Variants in TAF1C observed in about 807,000 individuals in gnomAD.
TAF1C encodes the protein TATA-box binding protein associated factor, RNA polymerase I subunit C.
TAF1C carries 79 observed loss-of-function variants against 70.5 expected under a neutral mutation model. The observed-to-expected ratio is 1.12, with a 90% CI of 0.93 to 1.35. The LOEUF (loss-of-function observed/expected upper bound fraction) is 1.35, where lower values mean the gene tolerates loss of function less well. Ranked by LOEUF, TAF1C falls within the 40% of genes most tolerant of loss-of-function variation. The pLI, the probability that TAF1C is intolerant of heterozygous loss-of-function variation, is 0.00. For synonymous variants in TAF1C, 614 were observed against 491.1 expected, an observed-to-expected ratio of 1.25 and a Z score of -3.31; for missense variants, 1,412 against 1,127.8, an observed-to-expected ratio of 1.25 and a Z score of -3.61.
In TAF1C at chr16:84,182,093, T is replaced by C. The variant is rs1489430984; in HGVS notation, c.722-35A>G. On this transcript the variant is annotated intron_variant, in intron 7 of 14. Coordinates refer to ENST00000566732, the MANE Select transcript of TAF1C (RefSeq NM_001243156.2). The surrounding 1 kb of genome is among the most constrained non-coding windows in gnomAD (Gnocchi z 5.0). Reference sequence around the variant, plus strand: ...TCACTAAGGATCAGTGCACGAGCTATGATCACTGCAAGCCCCCCAAATTCC... The same window carrying C: ...TCACTAAGGATCAGTGCACGAGCTACGATCACTGCAAGCCCCCCAAATTCC... The C allele has an allele frequency of 9.3e-6, 15 of 1,604,802 alleles. No homozygotes were observed. The highest frequency in any genetic ancestry group is 1.3e-5 in the Non-Finnish European group (15 of 1,174,914).
In TAF1C at chr16:84,179,736, G is replaced by A. The variant is rs751912258; in HGVS notation, c.1737C>T (p.Ser579=). The A allele has an allele frequency of 1.2e-5, 20 of 1,611,644 alleles. No individual in the cohort carries two copies. The highest frequency in any genetic ancestry group is 3.3e-4 in the Middle Eastern group (2 of 6,024). The part of the protein sequence containing the change: ...FYQQLRPQVD[S]SLRRDAGPPG... ...GAGGCCCAGCATCTCTGCGGAGGCTGGAGTCCACCTGGGGGCGGAGCTGCT... is the reference window on the plus strand; with the variant it reads ...GAGGCCCAGCATCTCTGCGGAGGCTAGAGTCCACCTGGGGGCGGAGCTGCT... The change falls in exon 15 of 15, where the codon TCC becomes TCT. Residue 579 remains serine, a synonymous_variant. Transcript: ENST00000566732.
chr16:84,179,040 G>A lies in TAF1C; in HGVS notation c.2433C>T (p.His811=), dbSNP rs1369528635. The change falls in exon 15 of 15, where the codon CAC becomes CAT. Residue 811 remains histidine (H), a synonymous_variant. Transcript: ENST00000566732. ...DTPGCATTPP[H]SQASSVRATR... is the part of the protein sequence containing the mutation. ...TGGCCCGGACGCTGGAGGCCTGGGAGTGGGGAGGTGTGGTGGCACAGCCTG... is the reference window on the plus strand; with the variant it reads ...TGGCCCGGACGCTGGAGGCCTGGGAATGGGGAGGTGTGGTGGCACAGCCTG... 1.2e-6 allele frequency: 2 copies of A among 1,610,768 alleles called. No homozygotes were observed. The highest frequency in any genetic ancestry group is 1.7e-6 in the Non-Finnish European group (2 of 1,179,858).
In TAF1C at chr16:84,180,034, A is replaced by C. The variant is rs753774557; in HGVS notation, c.1533T>G (p.Pro511=). The C allele has an allele frequency of 9.3e-6, 15 of 1,609,730 alleles. No homozygotes were observed. In the East Asian group the frequency reaches 2.0e-4, roughly 22 times the overall value. ...PRLAGPPQSL[P]SRIDSLPAFP... ...ATGCAGGGAGGGAGTCGATCCTGGA[A>C]GGAAGAGACTGGGGGGGGCCTGCCA... The change falls in exon 14 of 15, where the codon CCT becomes CCG. Residue 511 remains proline (P), a synonymous_variant. Coordinates refer to ENST00000566732, the MANE Select transcript of TAF1C (RefSeq NM_001243156.2).
chr16:84,177,896 C>A lies in TAF1C; in HGVS notation c.*1045G>T. ...TTTAATCATAAATGTCTCCCTTAGGCATGATAAACATTTTAACACCCACGC... is the reference window on the plus strand; with the variant it reads ...TTTAATCATAAATGTCTCCCTTAGGAATGATAAACATTTTAACACCCACGC... On this transcript the variant is annotated 3_prime_UTR_variant, in exon 15 of 15. Transcript: ENST00000566732. The A allele has an allele frequency of 1.4e-6, 2 of 1,444,950 alleles. No homozygotes were observed. The highest frequency in any genetic ancestry group is 1.9e-6 in the Non-Finnish European group (2 of 1,026,954). The allele number at this position is 1,444,950 out of a possible 1,614,324, so 89.5% of individuals were successfully genotyped here. A position where few individuals can be genotyped will look rare whatever the true frequency, so the allele number is the denominator to read the frequency against.
rs2088893147 is a variant in TAF1C at position 84,178,775 on chromosome 16, T to C, written c.*166A>G. On this transcript the variant is annotated 3_prime_UTR_variant, in exon 15 of 15. Coordinates refer to ENST00000566732, the MANE Select transcript of TAF1C (RefSeq NM_001243156.2). ...CAAAAGAAACTACTACTGTATTTTG[T>C]TGCCCTGTCCCTTCAACTTGGCTCC... 1.5e-6 allele frequency: 1 copy of C among 670,432 alleles called. No individual in the cohort carries two copies. The highest frequency in any genetic ancestry group is 2.5e-6 in the Non-Finnish European group (1 of 402,982). The allele number at this position is 670,432 out of a possible 1,614,324, so 41.5% of individuals were successfully genotyped here. A position where few individuals can be genotyped will look rare whatever the true frequency, so the allele number is the denominator to read the frequency against.
At chr16:84,181,918 G>A (rs1567593470) in intron 8 of TAF1C, 24 bp downstream of exon 8, 2 of 1,614,160 alleles carry the variant, frequency 1.2e-6, no homozygotes, top group Non-Finnish European at 1.7e-6. Flanking sequence ...CAGTGAGGGA[G>A]GAAAGTGTAT....
chr16:84,178,676 A>C lies in TAF1C; in HGVS notation c.*265T>G, dbSNP rs553066788. 1.1e-5 allele frequency: 6 copies of C among 527,984 alleles called. No individual in the cohort carries two copies. The highest frequency in any genetic ancestry group is 1.7e-5 in the Non-Finnish European group (5 of 293,574). The allele number at this position is 527,984 out of a possible 1,614,324, so 32.7% of individuals were successfully genotyped here. ...AGCCCTGCCTCCCAGCACAGACTAA[A>C]ATCCCAGCAACACAGGCCCACCGGC... On this transcript the variant is annotated 3_prime_UTR_variant, in exon 15 of 15. Transcript: ENST00000566732.
Position 84,178,009 on chromosome 16 carries a change from T to TA in TAF1C, c.*931dup. ...CCAACCTGAAAAAAGACCTTTCTCT[T>TA]ACTATGTCATCAGAAACCAGACAGA... On this transcript the variant is annotated 3_prime_UTR_variant, in exon 15 of 15. Transcript: ENST00000566732. The TA allele has an allele frequency of 1.5e-6, 1 of 660,754 alleles. No individual in the cohort carries two copies. Among genetic ancestry groups the TA allele is most frequent in the South Asian group, 1.6e-5 (1 of 62,408 alleles). The allele number at this position is 660,754 out of a possible 1,614,324, so 40.9% of individuals were successfully genotyped here. A position where few individuals can be genotyped will look rare whatever the true frequency, so the allele number is the denominator to read the frequency against.
At chr16:84,184,255 G>A (rs1015791627) in intron 2 of TAF1C, among the ~76,000 whole-genome samples, 3 of 152,122 alleles carry the variant, frequency 2.0e-5, no homozygotes, top group Admixed American at 1.3e-4. Flanking sequence ...CCAATTTGAC[G>A]CCAGACCCTC....
At chr16:84,180,852 G>A (rs549583317) in intron 12 of TAF1C, 191 bp downstream of exon 12, 2 of 1,408,722 alleles carry the variant, frequency 1.4e-6, no homozygotes, top group Admixed American at 2.9e-5. Flanking sequence ...GGCCCTGGGA[G>A]AGCTTCCCCA....
In TAF1C at chr16:84,181,465, T is replaced by G; in HGVS notation, c.1029-2A>C. On this transcript the variant is annotated splice_acceptor_variant, in intron 10 of 14. Transcript: ENST00000566732. LOFTEE classifies it high-confidence loss of function. Reference sequence around the variant, plus strand: ...GGGTCCCTGTAGATTTGCCGCAGCCTTGGGGAGACAGGCAAGCCGTGGGCA... The same window carrying G: ...GGGTCCCTGTAGATTTGCCGCAGCCGTGGGGAGACAGGCAAGCCGTGGGCA... 1 of 1,613,626 alleles carries G rather than the reference T, an allele frequency of 6.2e-7. No individual in the cohort carries two copies. Among genetic ancestry groups the G allele is most frequent in the Non-Finnish European group, 8.5e-7 (1 of 1,179,924 alleles).
intron 1 of TAF1C, among the ~76,000 whole-genome samples, chr16:84,186,608 T>TC (rs2089501489): frequency 6.6e-6 from 1 of 152,174 alleles, no homozygotes; most frequent in African/African-American, 2.4e-5. Context: ...CCTGAAACGA[T>TC]CCTAGACAGG....
Position 84,182,451 on chromosome 16 carries a change from G to T in TAF1C, c.483-11C>A, listed in dbSNP as rs772075189. 2 of 1,595,230 alleles carry T rather than the reference G, an allele frequency of 1.3e-6. No individual in the cohort carries two copies. Among genetic ancestry groups the T allele is most frequent in the African/African-American group, 1.3e-5 (1 of 74,868 alleles). On this transcript the variant is annotated splice_polypyrimidine_tract_variant and intron_variant, in intron 6 of 14. Transcript: ENST00000566732. This position sits in a 1 kb window ranked among gnomAD's most constrained non-coding sequence, Gnocchi z 5.0. The stretch of plus-strand genomic sequence containing the variant: ...TAAGCCCAGGGACACCTGGGGACCA[G>T]AGAACAGCAGGAGGATCACTCGGTG...
Position 84,183,737 on chromosome 16 carries a change from C to T in TAF1C, c.180G>A (p.Pro60=), listed in dbSNP as rs780554691. 20 of 1,612,872 alleles carry T rather than the reference C, an allele frequency of 1.2e-5. No homozygotes were observed. Among genetic ancestry groups the T allele is most frequent in the Middle Eastern group, 3.3e-4 (2 of 6,032 alleles). The change falls in exon 3 of 15, where the codon CCG becomes CCA. Residue 60 remains proline, a synonymous_variant. Transcript: ENST00000566732. ...LHVTKDLLWE[P]ATPGPLPMLP... ...GCATGGGGAGAGGCCCAGGGGTTGC[C>T]GGCTCCCACAGCAGGTCCTTGGTCA...
rs138521893 is a variant in TAF1C, at chr16:84,182,280, C to T, written c.643G>A (p.Ala215Thr). The T allele has an allele frequency of 2.0e-5, 32 of 1,613,060 alleles. No homozygotes were observed. Among genetic ancestry groups the T allele is most frequent in the East Asian group, 1.1e-4 (5 of 44,866 alleles). ...GTCCTTCCAGGAACCCAGGCCAGCG[C>T]GCCCCCAGTGCAGGCCTCATCCAGA... The part of the protein sequence containing the change: ...LLLDEACTGG[A>T]LAWVPGRTPQ... Residue 215 changes from alanine to threonine, a missense_variant, in exon 7 of 15, where the codon GCG becomes ACG. Transcript: ENST00000566732. This position sits in a 1 kb window ranked among gnomAD's most constrained non-coding sequence, Gnocchi z 5.0.
At chr16:84,186,276 G>A (rs745894800) in intron 1 of TAF1C, among the ~76,000 whole-genome samples, 15 of 152,198 alleles carry the variant, frequency 9.9e-5, no homozygotes, top group African/African-American at 2.4e-4. Flanking sequence ...CCCTTTGGCC[G>A]GGTGCGGTGG....
At chr16:84,186,355 A>C (rs1024004281) in intron 1 of TAF1C, among the ~76,000 whole-genome samples, 1 of 152,168 alleles carries the variant, frequency 6.6e-6, no homozygotes, top group Non-Finnish European at 1.5e-5. Flanking sequence ...GAAGTTTGAG[A>C]CCAGTCCGGC....
intron 11 of TAF1C, 46 bp from the exon 12 acceptor site, chr16:84,181,232 G>C (rs1173782091): frequency 6.3e-6 from 10 of 1,593,590 alleles, no homozygotes; most frequent in Non-Finnish European, 7.7e-6. Flanking sequence ...TCCCAGGCCG[G>C]TGACGCTGTC....
At position 84,179,870 on chromosome 16, in the gene TAF1C, A is replaced by G. The variant is rs748977427; in HGVS notation, c.1622-19T>C. The G allele has an allele frequency of 2.6e-5, 42 of 1,608,556 alleles. No individual in the cohort carries two copies. In the African/African-American group the frequency reaches 3.7e-4, roughly 14 times the overall value. ...GCCAGACCTGGTGACGGGAATGACA[A>G]TGACCTCCAGGGCCTAGCGGGGGGA... On this transcript the variant is annotated intron_variant, in intron 14 of 14. Transcript: ENST00000566732.
Sources: gnomAD v4.1 joint callset for allele counts (sites outside exome capture counted in the v4.1 genomes callset) on GRCh38, gnomAD v4.1.1 for gene constraint, Gnocchi (gnomAD v3.1) non-coding constraint, MANE v1.5 for transcripts, NCBI Gene and HGNC (gene_info 2026-07-23, HGNC 2026-07-21) for gene names.